The following ZNF469 variants were observed in gnomAD, a reference collection of about 807,000 sequenced individuals.
The protein encoded by ZNF469 is zinc finger protein 469.
A neutral mutation model predicts 1.0 loss-of-function variants in ZNF469; 1 was observed. The observed-to-expected ratio is 1.00, with a 90% CI of 0.35 to 4.73. ZNF469 has a LOEUF of 4.73. ZNF469 is among the 30% of genes most tolerant of loss of function. The pLI, the probability that ZNF469 is intolerant of heterozygous loss-of-function variation, is 0.16. For synonymous variants in ZNF469, 2,703 were observed against 2,363.4 expected (o/e 1.14, Z -4.17); for missense variants, 6,100 against 5,356.3 (o/e 1.14, Z -4.33).
chr16:88,243,952 A>ATATATATATATAT, the ZNF469 span, among the ~76,000 whole-genome samples: 5 of 121,204 alleles, frequency 4.1e-5, no homozygotes, highest in South Asian at 2.7e-4. Context: ...ATATATATAT[A>ATATATATATATAT]AATGTATGTG....
At position 88,431,293 on chromosome 16, in the gene ZNF469, A is replaced by G. The variant is rs753159087; in HGVS notation, c.3823A>G (p.Thr1275Ala). The G allele has an allele frequency of 6.5e-6, 10 of 1,550,140 alleles. No homozygotes were observed. Among genetic ancestry groups the G allele is most frequent in the Middle Eastern group, 1.7e-4 (1 of 5,992 alleles). The change falls in exon 3 of 3, where the codon ACC becomes GCC. Residue 1275 changes from threonine to alanine, a missense_variant. Transcript: ENST00000565624. ...GCAGCCGCCGCCCAGCAGACATGAC[A>G]CCGGCACCCCCAAGCCGTCGGGAAG... ...PEQPPPSRHD[T>A]GTPKPSGSLA...
intron 1 of ZNF469, among the ~76,000 whole-genome samples, chr16:88,405,529 A>T (rs1006482016): frequency 6.6e-6 from 1 of 152,108 alleles, no homozygotes; most frequent in Non-Finnish European, 1.5e-5. Context: ...AGGCATTTGC[A>T]TCAGGGCCTT....
At position 88,434,995 on chromosome 16, in the gene ZNF469, G is replaced by A. The variant is rs538124163; in HGVS notation, c.7525G>A (p.Ala2509Thr). The A allele has an allele frequency of 6.5e-7, 1 of 1,550,266 alleles. No homozygotes were observed. Among genetic ancestry groups the A allele is most frequent in the African/African-American group, 1.4e-5 (1 of 73,192 alleles). ...AGCCCCCGCGGAGCCGAGCCCAGCG[G>A]CCTTGCCTGCTCAGCAGCCTCTAGA... ...PGAPAEPSPA[A>T]LPAQQPLEPL... is the part of the protein sequence containing the mutation. Residue 2509 changes from alanine to threonine, a missense_variant, in exon 3 of 3, where the codon GCC becomes ACC. Transcript: ENST00000565624.
chr16:88,239,556 C>T, the ZNF469 span, among the ~76,000 whole-genome samples: 1 of 147,736 alleles, frequency 6.8e-6, no homozygotes, highest in Non-Finnish European at 1.5e-5. Flanking sequence ...GGCGCGATCT[C>T]GGCTCACTGC....
chr16:88,366,686 CCATCAT>C, the ZNF469 span, among the ~76,000 whole-genome samples: 11 of 151,044 alleles, frequency 7.3e-5, no homozygotes, highest in African/African-American at 1.9e-4. Context: ...ATCACCATCA[CCATCAT>C]CATCATCACC....
chr16:88,424,311 G>C lies in ZNF469; in HGVS notation c.-191-496G>C, dbSNP rs1347160535. On this transcript the variant is annotated intron_variant, in intron 1 of 2. Transcript: ENST00000565624. The surrounding 1 kb of genome is among the most constrained non-coding windows in gnomAD (Gnocchi z 4.3). ...GTGCAGAACAGTGAGCGTAGCCGAC[G>C]ATCTTCTGTTGAAGGAAGGAGGAAA... Among the ~76,000 whole-genome samples, 1 of 152,194 alleles carries C rather than the reference G, an allele frequency of 6.6e-6. No homozygotes were observed. Among genetic ancestry groups the C allele is most frequent in the African/African-American group, 2.4e-5 (1 of 41,436 alleles).
the ZNF469 span, among the ~76,000 whole-genome samples, chr16:88,317,167 C>G: frequency 6.6e-6 from 1 of 152,254 alleles, no homozygotes; most frequent in Admixed American, 6.5e-5. Context: ...AGCCCTTTCC[C>G]CACATGCTGG....
At chr16:88,120,613 G>A in the ZNF469 span, among the ~76,000 whole-genome samples, 303 of 152,312 alleles carry the variant, frequency 2.0e-3, no homozygotes, top group African/African-American at 7.1e-3. Context: ...GGACGGAGCC[G>A]CCCTGTCCAC....
At position 88,435,494 on chromosome 16, in the gene ZNF469, C is replaced by A. The variant is rs751102147; in HGVS notation, c.8024C>A (p.Pro2675Gln). The A allele has an allele frequency of 6.5e-7, 1 of 1,549,004 alleles. No individual in the cohort carries two copies. Among genetic ancestry groups the A allele is most frequent in the South Asian group, 1.2e-5 (1 of 84,056 alleles). The change falls in exon 3 of 3, where the codon CCG becomes CAG. Residue 2675 changes from proline (P) to glutamine (Q), a missense_variant. Coordinates refer to ENST00000565624, the MANE Select transcript of ZNF469 (RefSeq NM_001367624.2). Reference sequence around the variant, plus strand: ...GCAATGGCCAGTTACGCAGCCTCTCCGAGCCACTGCCTCTCTGTGGAAGGA... The same window carrying A: ...GCAATGGCCAGTTACGCAGCCTCTCAGAGCCACTGCCTCTCTGTGGAAGGA... ...SPAMASYAAS[P>Q]SHCLSVEGGP...
chr16:88,311,028 G>A, the ZNF469 span, among the ~76,000 whole-genome samples: 20 of 152,268 alleles, frequency 1.3e-4, no homozygotes, highest in East Asian at 1.9e-3. Flanking sequence ...GGATTTGCTC[G>A]TCACGCCTCC....
chr16:88,205,912 G>A, the ZNF469 span, among the ~76,000 whole-genome samples: 2 of 152,190 alleles, frequency 1.3e-5, no homozygotes, highest in African/African-American at 2.4e-5. This position sits in a 1 kb window ranked among gnomAD's most constrained non-coding sequence, Gnocchi z 4.2. Flanking sequence ...GAAATGTTCC[G>A]AGAGGGTGTG....
chr16:88,229,579 T>TGATGCCACGCATGTG, the ZNF469 span, among the ~76,000 whole-genome samples: 6 of 59,842 alleles, frequency 1.0e-4, no homozygotes, highest in South Asian at 6.3e-4. Context: ...GCTTGTGCGC[T>TGATGCCACGCATGTG]GATGTCACGC....
chr16:88,224,911 G>A, the ZNF469 span, among the ~76,000 whole-genome samples: 6 of 152,190 alleles, frequency 3.9e-5, no homozygotes, highest in South Asian at 2.1e-4. Flanking sequence ...TCTGGGGAGC[G>A]GAGGTGCCCC....
chr16:88,248,229 C>T, the ZNF469 span, among the ~76,000 whole-genome samples: 23 of 152,266 alleles, frequency 1.5e-4, 1 homozygote, highest in East Asian at 2.9e-3. Context: ...TTGCCTTCAA[C>T]GTAGAAGTGC....
the ZNF469 span, among the ~76,000 whole-genome samples, chr16:88,123,826 G>A: frequency 5.9e-5 from 9 of 152,216 alleles, 1 homozygote; most frequent in South Asian, 1.9e-3. Flanking sequence ...ATTTTGAGAT[G>A]GAGTTTCACT....
chr16:88,275,504 C>T, the ZNF469 span, among the ~76,000 whole-genome samples: 1 of 152,200 alleles, frequency 6.6e-6, no homozygotes, highest in Non-Finnish European at 1.5e-5. Flanking sequence ...CCGCCACCCA[C>T]CTTCCGGGGC....
chr16:88,270,531 G>A, the ZNF469 span, among the ~76,000 whole-genome samples: 1 of 152,208 alleles, frequency 6.6e-6, no homozygotes, highest in Non-Finnish European at 1.5e-5. Flanking sequence ...GGGCATTTGT[G>A]TGCATGCTTC....
At chr16:88,190,350 C>T in the ZNF469 span, among the ~76,000 whole-genome samples, 187 of 152,390 alleles carry the variant, frequency 1.2e-3, no homozygotes, top group African/African-American at 4.2e-3. Context: ...GAGGTGACAC[C>T]TTGCTCAGTC....
the ZNF469 span, among the ~76,000 whole-genome samples, chr16:88,339,123 G>T: frequency 1.4e-5 from 2 of 146,198 alleles, no homozygotes; most frequent in African/African-American, 5.2e-5. Context: ...AACTAGGAGG[G>T]CCACTGGAGC....
Sources: gnomAD v4.1 joint callset for allele counts (sites outside exome capture counted in the v4.1 genomes callset) on GRCh38, gnomAD v4.1.1 for gene constraint, Gnocchi (gnomAD v3.1) non-coding constraint, MANE v1.5 for transcripts, NCBI Gene and HGNC (gene_info 2026-07-23, HGNC 2026-07-21) for gene names.